The following PRKN variants were observed in gnomAD, a reference collection of about 807,000 sequenced individuals.
The protein encoded by PRKN is parkin RBR E3 ubiquitin protein ligase.
PRKN carries 56 observed loss-of-function variants against 59.5 expected under a neutral mutation model. The ratio of observed to expected loss-of-function variants is 0.94; its 90% confidence interval spans 0.76 to 1.18. PRKN has a LOEUF of 1.18. PRKN is among the 50% of genes most tolerant of loss of function. The pLI, the probability that PRKN is intolerant of heterozygous loss-of-function variation, is 0.00. For synonymous variants in PRKN, 250 were observed against 222.1 expected, an observed-to-expected ratio of 1.13 and a Z score of -1.12; for missense variants, 657 against 596.4, an observed-to-expected ratio of 1.10 and a Z score of -1.06.
At chr6:161,829,661 G>C (rs577557814) in intron 6 of PRKN, among the ~76,000 whole-genome samples, 7 of 151,936 alleles carry the variant, frequency 4.6e-5, no homozygotes, top group Non-Finnish European at 1.0e-4. Flanking sequence ...AAAGGCCTCC[G>C]CAGAAAGCTT....
At chr6:161,887,758 A>G (rs1795207466) in intron 6 of PRKN, among the ~76,000 whole-genome samples, 1 of 152,218 alleles carries the variant, frequency 6.6e-6, no homozygotes, top group Admixed American at 6.5e-5. Flanking sequence ...GACTGCCGGT[A>G]GAAATGCAAT....
chr6:161,458,998 AAACCATGATAG>A lies in PRKN; in HGVS notation c.1084-72132_1084-72122del, dbSNP rs1446079686. 2.0e-5 allele frequency among the ~76,000 whole-genome samples: 3 copies of A among 152,176 alleles called. No individual in the cohort carries two copies. The highest frequency in any genetic ancestry group is 2.4e-5 in the African/African-American group (1 of 41,432). On this transcript the variant is annotated intron_variant, in intron 9 of 11. Coordinates refer to ENST00000366898, the MANE Select transcript of PRKN (RefSeq NM_004562.3). The surrounding 1 kb of genome is among the most constrained non-coding windows in gnomAD (Gnocchi z 6.1). Reference sequence around the variant, plus strand: ...TTATCTGGAGGGAAGACAGGAATGAAAACCATGATAGTATCCAGGAGGGATTTTAAGGCAAG... The same window carrying A: ...TTATCTGGAGGGAAGACAGGAATGAATATCCAGGAGGGATTTTAAGGCAAG...
At chr6:161,900,969 G>A (rs1272850351) in intron 6 of PRKN, among the ~76,000 whole-genome samples, 1 of 149,524 alleles carries the variant, frequency 6.7e-6, no homozygotes, top group Non-Finnish European at 1.5e-5. Flanking sequence ...AGGCTGTAGT[G>A]CAGTGGTATG....
chr6:162,191,846 G>T (rs547167744), intron 4 of PRKN, among the ~76,000 whole-genome samples: 1 of 152,268 alleles, frequency 6.6e-6, no homozygotes, highest in South Asian at 2.1e-4. Flanking sequence ...ATGCCATGAA[G>T]GACAGTGGCT....
intron 7 of PRKN, among the ~76,000 whole-genome samples, chr6:161,763,967 TG>T (rs1365890887): frequency 6.6e-6 from 1 of 152,138 alleles, no homozygotes; most frequent in East Asian, 1.9e-4. Flanking sequence ...CTTTTAAAAA[TG>T]CAGATCTGAT....
chr6:162,436,176 C>CA (rs35792526), intron 2 of PRKN, among the ~76,000 whole-genome samples: 1,556 of 54,652 alleles, frequency 0.028, 98 homozygotes, highest in South Asian at 0.046. Context: ...ACTCCATCTC[C>CA]AAAAAAAAAA....
rs1366020707 is a variant in PRKN, at chr6:161,484,649, C to T, written c.1083+64205G>A. Among the ~76,000 whole-genome samples, 1 of 152,144 alleles carries T rather than the reference C, an allele frequency of 6.6e-6. No individual in the cohort carries two copies. The highest frequency in any genetic ancestry group is 2.4e-5 in the African/African-American group (1 of 41,432). On this transcript the variant is annotated intron_variant, in intron 9 of 11. Transcript: ENST00000366898. The surrounding 1 kb of genome is among the most constrained non-coding windows in gnomAD (Gnocchi z 4.9). ...TGACTCAGGGTGTTCAATCTCAGCA[C>T]TACTGAAGTTTGAGACCAGGCCATT...
At chr6:161,944,069 G>C (rs111680434) in intron 6 of PRKN, among the ~76,000 whole-genome samples, 1 of 106,086 alleles carries the variant, frequency 9.4e-6, no homozygotes, top group African/African-American at 3.8e-5. Flanking sequence ...CAGCCTGAGG[G>C]ATCAGCCTGA....
At chr6:162,642,203 T>G (rs1777991500) in intron 1 of PRKN, among the ~76,000 whole-genome samples, 1 of 152,134 alleles carries the variant, frequency 6.6e-6, no homozygotes, top group Non-Finnish European at 1.5e-5. Context: ...TTTAGCAGAC[T>G]AGCAAAGCTC....
At chr6:161,863,755 T>C (rs1185387318) in intron 6 of PRKN, among the ~76,000 whole-genome samples, 3 of 152,142 alleles carry the variant, frequency 2.0e-5, no homozygotes, top group Non-Finnish European at 2.9e-5. Context: ...TTAAGGTATA[T>C]AGGCATAGCT....
At chr6:162,300,427 GAGA>G (rs1032194867) in intron 2 of PRKN, among the ~76,000 whole-genome samples, 6 of 152,102 alleles carry the variant, frequency 3.9e-5, no homozygotes, top group Non-Finnish European at 8.8e-5. Context: ...GTTTCTAAAA[GAGA>G]AGATCATGCA....
At position 161,579,216 on chromosome 6, in the gene PRKN, C is replaced by T. The variant is rs1240848888; in HGVS notation, c.872-9800G>A. The stretch of plus-strand genomic sequence containing the variant: ...ACAGATTATGGTGGTTGGTTGGTTA[C>T]CTGAGTGAAAATGTCAATGTCTAGT... On this transcript the variant is annotated intron_variant, in intron 7 of 11. Transcript: ENST00000366898. The surrounding 1 kb of genome is among the most constrained non-coding windows in gnomAD (Gnocchi z 4.2). 6.6e-6 allele frequency among the ~76,000 whole-genome samples: 1 copy of T among 152,156 alleles called. No homozygotes were observed. The highest frequency in any genetic ancestry group is 2.4e-5 in the African/African-American group (1 of 41,420).
At chr6:162,039,981 C>T (rs1273358997) in intron 5 of PRKN, among the ~76,000 whole-genome samples, 3 of 152,176 alleles carry the variant, frequency 2.0e-5, no homozygotes, top group African/African-American at 4.8e-5. Flanking sequence ...TAAATTTAAA[C>T]AGGATTAAAT....
intron 6 of PRKN, among the ~76,000 whole-genome samples, chr6:161,795,052 T>C (rs554662931): frequency 1.3e-5 from 2 of 150,788 alleles, no homozygotes; most frequent in Admixed American, 6.6e-5. Context: ...ACCCAGCTAA[T>C]TTTTTGTATT....
chr6:162,280,465 A>G (rs1335403236), intron 2 of PRKN, among the ~76,000 whole-genome samples: 1 of 152,060 alleles, frequency 6.6e-6, no homozygotes, highest in Non-Finnish European at 1.5e-5. Context: ...CATCACCATT[A>G]AAAGAACTAA....
chr6:162,017,413 C>T lies in PRKN; in HGVS notation c.618+36678G>A, dbSNP rs146312817. Among the ~76,000 whole-genome samples the T allele has an allele frequency of 5.4e-3, 823 of 152,266 alleles. 2 individuals carry two copies. Among genetic ancestry groups the T allele is most frequent in the Admixed American group, 0.014 (209 of 15,300 alleles). The stretch of plus-strand genomic sequence containing the variant: ...CAATATGTGTATAGAAGGCATGTGG[C>T]ATGGTGCCTGACAATATTAAGTGCC... On this transcript the variant is annotated intron_variant, in intron 5 of 11. Coordinates refer to ENST00000366898, the MANE Select transcript of PRKN (RefSeq NM_004562.3).
intron 4 of PRKN, among the ~76,000 whole-genome samples, chr6:162,172,135 C>G (rs182855256): frequency 1.1e-4 from 17 of 152,332 alleles, no homozygotes; most frequent in Admixed American, 1.1e-3. Flanking sequence ...GAACTGAGTG[C>G]TGAGCTAGCA....
chr6:162,549,207 G>A (rs891323704), intron 1 of PRKN, among the ~76,000 whole-genome samples: 2 of 152,052 alleles, frequency 1.3e-5, no homozygotes, highest in South Asian at 2.1e-4. Context: ...CCCAGAAGAC[G>A]GCCCTCCTTC....
At chr6:161,672,889 C>A (rs2128169560) in intron 7 of PRKN, among the ~76,000 whole-genome samples, 1 of 152,292 alleles carries the variant, frequency 6.6e-6, no homozygotes, top group South Asian at 2.1e-4. Flanking sequence ...ATTCTAGAAT[C>A]ATCCAAAATT....
Sources: allele counts gnomAD v4.1 joint callset (sites outside exome capture counted in the v4.1 genomes callset), GRCh38; gene constraint gnomAD v4.1.1; non-coding constraint Gnocchi (gnomAD v3.1); transcripts MANE v1.5; gene names NCBI Gene and HGNC (gene_info 2026-07-23, HGNC 2026-07-21).